HTT-AS: variants seen among roughly 807,000 people sequenced by gnomAD.
HTT-AS encodes HTT antisense RNA, also known as HTT antisense RNA (head to head).
At chr4:3,058,065 G>A (rs961940539) in intron 2 of HTT-AS, among the ~76,000 whole-genome samples, 1 of 151,190 alleles carries the variant, frequency 6.6e-6, no homozygotes, top group East Asian at 2.0e-4. Context: ...GGTGGCTCAC[G>A]CCTGTAATCC....
rs1270175473 is a variant in HTT-AS at position 3,072,937 on chromosome 4, T to C, written n.113+1489A>G. On this transcript the variant is annotated intron_variant and non_coding_transcript_variant, in intron 1 of 2. Coordinates refer to ENST00000664062, the Ensembl canonical transcript of HTT-AS. Reference sequence around the variant, plus strand: ...GCCACCGCACCTCGCTGGAACTTAATTTTTTTAGAGACAGTGTCGCTCTAT... The same window carrying C: ...GCCACCGCACCTCGCTGGAACTTAACTTTTTTAGAGACAGTGTCGCTCTAT... Among the ~76,000 whole-genome samples the C allele has an allele frequency of 3.3e-5, 5 of 152,190 alleles. No homozygotes were observed. In the South Asian group the frequency reaches 1.0e-3, roughly 31 times the overall value.
intron 1 of HTT-AS, among the ~76,000 whole-genome samples, chr4:3,064,352 C>T (rs1712003006): frequency 6.6e-6 from 1 of 152,042 alleles, no homozygotes; most frequent in African/African-American, 2.4e-5. Context: ...CCTCAGCCTC[C>T]CAAAGTGCTG....
chr4:3,074,009 C>T (rs28616835), intron 1 of HTT-AS, among the ~76,000 whole-genome samples: 9,310 of 150,664 alleles, frequency 0.062, 549 homozygotes, highest in African/African-American at 0.15. Context: ...GCCCCCTCCA[C>T]GGCCCCGCCC....
intron 1 of HTT-AS, among the ~76,000 whole-genome samples, chr4:3,068,835 A>G (rs1464833890): frequency 6.6e-6 from 1 of 151,982 alleles, no homozygotes; most frequent in Non-Finnish European, 1.5e-5. Context: ...TTGTATTTTT[A>G]CTAGAGATGG....
At chr4:3,055,599 G>A (rs1375467062) in intron 2 of HTT-AS, among the ~76,000 whole-genome samples, 1 of 152,154 alleles carries the variant, frequency 6.6e-6, no homozygotes, top group South Asian at 2.1e-4. Flanking sequence ...TCTTTAGTAA[G>A]ATTTCACCAT....
At chr4:3,072,082 T>C (rs2110125923) in intron 1 of HTT-AS, among the ~76,000 whole-genome samples, 1 of 152,198 alleles carries the variant, frequency 6.6e-6, no homozygotes, top group East Asian at 1.9e-4. Context: ...GAGCCATATG[T>C]ATCGTCACAC....
chr4:3,065,621 T>TAATACACCTA (rs1487547889), intron 1 of HTT-AS, among the ~76,000 whole-genome samples: 1 of 152,210 alleles, frequency 6.6e-6, no homozygotes, highest in Admixed American at 6.5e-5. Flanking sequence ...AAAATGCCCT[T>TAATACACCTA]AATACACCTA....
At chr4:3,049,975 A>ACTCT (rs1711673254) in intron 2 of HTT-AS, among the ~76,000 whole-genome samples, 4 of 72,482 alleles carry the variant, frequency 5.5e-5, no homozygotes, top group Non-Finnish European at 7.9e-5. Context: ...TTTGAGATGG[A>ACTCT]ATCTCTGTCA....
intron 2 of HTT-AS, among the ~76,000 whole-genome samples, chr4:3,053,574 T>C (rs1711751684): frequency 6.6e-6 from 1 of 152,048 alleles, no homozygotes. Context: ...GAGCTCTAAT[T>C]AATTGGCTTT....
intron 1 of HTT-AS, among the ~76,000 whole-genome samples, chr4:3,071,354 C>G (rs2110125682): frequency 6.6e-6 from 1 of 152,278 alleles, no homozygotes; most frequent in East Asian, 1.9e-4. Flanking sequence ...AATGGCTGCT[C>G]AAGTCCCAGC....
chr4:3,046,159 T>C (rs991232793), downstream of HTT-AS, among the ~76,000 whole-genome samples: 1 of 152,230 alleles, frequency 6.6e-6, no homozygotes, highest in African/African-American at 2.4e-5. Context: ...ATGAGTTTAA[T>C]TGAGCAATGA....
intron 1 of HTT-AS, chr4:3,070,075 A>G (rs73086139): frequency 0.066 from 10,142 of 152,558 alleles, 427 homozygotes; most frequent in African/African-American, 0.12. Context: ...TCTTCTCGGC[A>G]GGACAGGCAC....
intron 2 of HTT-AS, among the ~76,000 whole-genome samples, chr4:3,058,977 C>T (rs1295698209): frequency 6.6e-6 from 1 of 152,154 alleles, no homozygotes; most frequent in Non-Finnish European, 1.5e-5. Flanking sequence ...GCGTTGGCCT[C>T]CCAAAGTGTT....
chr4:3,051,286 A>C (rs1224823371), intron 2 of HTT-AS, among the ~76,000 whole-genome samples: 1 of 151,950 alleles, frequency 6.6e-6, no homozygotes, highest in African/African-American at 2.4e-5. Flanking sequence ...GCTGGTCTCG[A>C]ACTCCCGACC....
intron 1 of HTT-AS, chr4:3,063,730 C>T (rs1711988309): frequency 1.3e-5 from 2 of 152,276 alleles, no homozygotes; most frequent in African/African-American, 4.8e-5. Flanking sequence ...ACATGCCAGC[C>T]TTTGCTGTGT....
exon 3 of HTT-AS, among the ~76,000 whole-genome samples, chr4:3,049,104 A>G (rs1352860427): frequency 6.6e-6 from 1 of 152,232 alleles, no homozygotes; most frequent in African/African-American, 2.4e-5. Context: ...TCATAGAGGC[A>G]TAAGCAAGGA....
chr4:3,064,179 T>TCTGCCTCCCAGGTTCAAGTGATTCTC (rs1711998050), intron 1 of HTT-AS, among the ~76,000 whole-genome samples: 2 of 149,132 alleles, frequency 1.3e-5, no homozygotes, highest in African/African-American at 4.9e-5. Flanking sequence ...CACTACAAGC[T>TCTGCCTCCCAGGTTCAAGTGATTCTC]CTGCCTCCCA....
intron 1 of HTT-AS, among the ~76,000 whole-genome samples, chr4:3,071,531 A>G (rs1310626463): frequency 6.6e-6 from 1 of 152,208 alleles, no homozygotes; most frequent in East Asian, 1.9e-4. Flanking sequence ...ACTGTCATAC[A>G]CTAGCTAAGA....
intron 1 of HTT-AS, among the ~76,000 whole-genome samples, chr4:3,072,299 A>T (rs1184976010): frequency 6.6e-6 from 1 of 152,218 alleles, no homozygotes. Flanking sequence ...GGCCGCCTTT[A>T]TGTCCTCGCC....
Sources: allele counts gnomAD v4.1 joint callset (sites outside exome capture counted in the v4.1 genomes callset), GRCh38; gene constraint gnomAD v4.1.1; transcripts MANE v1.5; gene names NCBI Gene and HGNC (gene_info 2026-07-23, HGNC 2026-07-21).